Variants in C13orf42 observed in about 807,000 individuals in gnomAD.
C13orf42 encodes the protein chromosome 13 open reading frame 42.
intron 1 of C13orf42, among the ~76,000 whole-genome samples, chr13:51,126,740 T>C (rs1018995846): frequency 6.6e-6 from 1 of 151,618 alleles, no homozygotes; most frequent in African/African-American, 2.4e-5. Context: ...CCAGGGGAGG[T>C]TCTTGCCCAA....
At position 51,095,796 on chromosome 13, in the gene C13orf42, T is replaced by C. The variant is rs150105955; in HGVS notation, c.415-7721A>G. On this transcript the variant is annotated intron_variant, in intron 1 of 3. Coordinates refer to ENST00000563710, the MANE Select transcript of C13orf42 (RefSeq NM_001351589.3). ...TCCGTTAGGGCTTTTAACATATTAA[T>C]TATAATTTTTTAAAATTTTCCTGTC... Among the ~76,000 whole-genome samples, 496 of 152,318 alleles carry C rather than the reference T, an allele frequency of 3.3e-3. 2 individuals carry two copies. The highest frequency in any genetic ancestry group is 0.011 in the African/African-American group (474 of 41,582).
At position 51,084,163 on chromosome 13, in the gene C13orf42, C is replaced by T. The variant is rs2137969939; in HGVS notation, c.966G>A (p.Arg322=). Reference sequence around the variant, plus strand: ...AATCCAGATGGAGTCAGGGCACCGTCCGCTCCCAAAGTCTTTCTCGAAGCA... The same window carrying T: ...AATCCAGATGGAGTCAGGGCACCGTTCGCTCCCAAAGTCTTTCTCGAAGCA... ...QWLLRERLWE[R]TVP is the part of the protein sequence containing the mutation. Residue 322 remains arginine, a synonymous_variant, in exon 4 of 4, where the codon CGG becomes CGA. Transcript: ENST00000563710. The T allele has an allele frequency of 2.5e-6, 1 of 398,714 alleles. No individual in the cohort carries two copies. Among genetic ancestry groups the T allele is most frequent in the Non-Finnish European group, 4.4e-6 (1 of 226,100 alleles). 24.7% of individuals were successfully genotyped at this position (398,714 alleles called of 1,614,324 possible). A position where few individuals can be genotyped will look rare whatever the true frequency, so the allele number is the denominator to read the frequency against.
intron 1 of C13orf42, among the ~76,000 whole-genome samples, chr13:51,156,866 G>C (rs1953828500): frequency 6.6e-6 from 1 of 152,226 alleles, no homozygotes. Flanking sequence ...AGTTCACTCT[G>C]TTGCAAGGGA....
At chr13:51,123,288 T>A (rs1953550679) in intron 1 of C13orf42, among the ~76,000 whole-genome samples, 1 of 152,252 alleles carries the variant, frequency 6.6e-6, no homozygotes, top group South Asian at 2.1e-4. Context: ...TGCATATCTA[T>A]TGCAGATCAG....
intron 1 of C13orf42, among the ~76,000 whole-genome samples, chr13:51,152,768 C>G (rs1187115076): frequency 6.6e-6 from 1 of 152,184 alleles, no homozygotes; most frequent in South Asian, 2.1e-4. Context: ...AAAAAGAGGT[C>G]AGGGTGGCTC....
At chr13:51,112,987 G>C (rs1475500843), upstream of C13orf42, among the ~76,000 whole-genome samples, 1 of 152,192 alleles carries the variant, frequency 6.6e-6, no homozygotes, top group African/African-American at 2.4e-5. Context: ...CTTCTTCTCA[G>C]AGGTAGCCAC....
intron 1 of C13orf42, among the ~76,000 whole-genome samples, chr13:51,156,488 T>C (rs1213915103): frequency 6.6e-6 from 1 of 152,104 alleles, no homozygotes; most frequent in Admixed American, 6.5e-5. Context: ...AGAAAGGAAA[T>C]GAGGAGCTGG....
intron 1 of C13orf42, among the ~76,000 whole-genome samples, chr13:51,144,670 G>T (rs1001097509): frequency 1.4e-4 from 21 of 152,118 alleles, no homozygotes; most frequent in Admixed American, 3.3e-4. Context: ...CCCTATACAG[G>T]GTTTGTGACC....
chr13:51,159,121 T>C (rs888176588), intron 1 of C13orf42, among the ~76,000 whole-genome samples: 8 of 152,284 alleles, frequency 5.3e-5, no homozygotes, highest in Middle Eastern at 3.4e-3. Flanking sequence ...AGTCATTGTG[T>C]TTCATATGTT....
intron 1 of C13orf42, among the ~76,000 whole-genome samples, chr13:51,134,608 TTCC>T (rs1953643220): frequency 6.6e-6 from 1 of 152,222 alleles, no homozygotes. Context: ...AGGCAGGAAA[TTCC>T]TCCTGTCTGA....
intron 1 of C13orf42, among the ~76,000 whole-genome samples, chr13:51,157,176 G>A (rs1953830556): frequency 6.6e-6 from 1 of 152,194 alleles, no homozygotes; most frequent in Non-Finnish European, 1.5e-5. Context: ...GCTGCCGCCT[G>A]TAATCCCAGC....
At chr13:51,104,011 A>G (rs951178700) in intron 1 of C13orf42, among the ~76,000 whole-genome samples, 3 of 152,240 alleles carry the variant, frequency 2.0e-5, no homozygotes, top group Non-Finnish European at 2.9e-5. Context: ...TGTACGCTTT[A>G]AAATAGTTAA....
chr13:51,153,629 T>TTTTTTTTTTTTG (rs1953800841), intron 1 of C13orf42, among the ~76,000 whole-genome samples: 3 of 138,042 alleles, frequency 2.2e-5, no homozygotes, highest in Admixed American at 7.3e-5. Context: ...CTGTTTTTTT[T>TTTTTTTTTTTTG]CTTTTTTTTT....
intron 1 of C13orf42, among the ~76,000 whole-genome samples, chr13:51,169,343 A>C (rs1376418640): frequency 6.6e-6 from 1 of 152,250 alleles, no homozygotes; most frequent in Non-Finnish European, 1.5e-5. Flanking sequence ...TTTGTTATGC[A>C]GGAGCAAACA....
intron 1 of C13orf42, among the ~76,000 whole-genome samples, chr13:51,141,515 A>C (rs1193702723): frequency 2.0e-5 from 3 of 152,158 alleles, no homozygotes; most frequent in Admixed American, 6.6e-5. Context: ...AAGAAAAATA[A>C]AAGGCTAGGT....
chr13:51,108,658 C>T lies in C13orf42; in HGVS notation c.414+2138G>A, dbSNP rs533429402. On this transcript the variant is annotated intron_variant, in intron 1 of 3. Transcript: ENST00000563710. The stretch of plus-strand genomic sequence containing the variant: ...AGGAACAATTACGTGCAGGAGCCTA[C>T]TCCTCACATTATCATTTCCATTACT... 4.6e-5 allele frequency among the ~76,000 whole-genome samples: 7 copies of T among 152,324 alleles called. No homozygotes were observed. In the South Asian group the frequency reaches 1.5e-3, roughly 32 times the overall value.
chr13:51,100,884 T>C (rs1303864436), intron 1 of C13orf42, among the ~76,000 whole-genome samples: 1 of 152,180 alleles, frequency 6.6e-6, no homozygotes, highest in East Asian at 1.9e-4. Flanking sequence ...CGTTTAGCAA[T>C]TGTTTGTAGA....
intron 1 of C13orf42, among the ~76,000 whole-genome samples, chr13:51,105,724 A>AT (rs1303431356): frequency 6.6e-6 from 1 of 151,746 alleles, no homozygotes; most frequent in Admixed American, 6.6e-5. Context: ...ATTTTCTATG[A>AT]TTTTTTTTCT....
chr13:51,115,398 G>A (rs1003691668), upstream of C13orf42, among the ~76,000 whole-genome samples: 4 of 152,182 alleles, frequency 2.6e-5, no homozygotes, highest in African/African-American at 9.7e-5. Flanking sequence ...TTCAGGCATG[G>A]ATTCAGGTGA....
Sources: gnomAD v4.1 joint callset for allele counts (sites outside exome capture counted in the v4.1 genomes callset) on GRCh38, gnomAD v4.1.1 for gene constraint, MANE v1.5 for transcripts, NCBI Gene and HGNC (gene_info 2026-07-23, HGNC 2026-07-21) for gene names.